The following RASGRF2 variants were observed in gnomAD, a reference collection of about 807,000 sequenced individuals.
RASGRF2 encodes the protein Ras protein specific guanine nucleotide releasing factor 2, also known as ras-specific guanine nucleotide-releasing factor 2.
RASGRF2 carries 76 observed loss-of-function variants against 151.0 expected under a neutral mutation model. The ratio of observed to expected loss-of-function variants is 0.50; its 90% CI spans 0.42 to 0.61. The LOEUF (loss-of-function observed/expected upper bound fraction) is 0.61, where lower values mean the gene tolerates loss of function less well. Among genes scored for constraint, RASGRF2 ranks in the 20% least tolerant of loss-of-function variants. The pLI, the probability that RASGRF2 is intolerant of heterozygous loss-of-function variation, is 0.00. For synonymous variants in RASGRF2, 504 were observed against 566.5 expected, an observed-to-expected ratio of 0.89 and a Z score of 1.57; for missense variants, 1,148 against 1,564.6, an observed-to-expected ratio of 0.73 and a Z score of 4.49.
intron 2 of RASGRF2, among the ~76,000 whole-genome samples, chr5:81,062,310 G>A (rs113542306): frequency 0.02 from 2,989 of 152,058 alleles, 42 homozygotes; most frequent in African/African-American, 0.025. Flanking sequence ...TCTTTTGCCC[G>A]CTCTGTTTTT....
chr5:81,131,169 A>G (rs1184756956), intron 17 of RASGRF2, among the ~76,000 whole-genome samples: 2 of 152,204 alleles, frequency 1.3e-5, no homozygotes, highest in Non-Finnish European at 2.9e-5. Context: ...CAAATGCAAT[A>G]CAAGGGAGGA....
rs138495408 is a variant in RASGRF2 at position 81,027,618 on chromosome 5, T to G, written c.289-15259T>G. Among the ~76,000 whole-genome samples, 491 of 152,370 alleles carry G rather than the reference T, an allele frequency of 3.2e-3. 2 individuals are homozygous for G. The highest frequency in any genetic ancestry group is 0.011 in the African/African-American group (476 of 41,594). On this transcript the variant is annotated intron_variant, in intron 1 of 26. Transcript: ENST00000265080. ...ATGTCACATCCTTATAACTCCCATC[T>G]GCCCTTGCTCAAAACATTAGTGAAG...
At chr5:81,092,348 A>G (rs1046761030) in intron 9 of RASGRF2, among the ~76,000 whole-genome samples, 5 of 152,076 alleles carry the variant, frequency 3.3e-5, no homozygotes, top group Non-Finnish European at 7.4e-5. Context: ...AATACAAGGT[A>G]AACTGTATTA....
At chr5:80,994,346 A>T (rs2112270148) in intron 1 of RASGRF2, among the ~76,000 whole-genome samples, 1 of 139,642 alleles carries the variant, frequency 7.2e-6, no homozygotes, top group East Asian at 2.1e-4. Flanking sequence ...AGCCTGGGCG[A>T]CAGAGCGACA....
intron 17 of RASGRF2, among the ~76,000 whole-genome samples, chr5:81,177,685 CT>C (rs1754807192): frequency 6.6e-6 from 1 of 151,320 alleles, no homozygotes; most frequent in Non-Finnish European, 1.5e-5. Flanking sequence ...TTCAAATGTG[CT>C]AAGTACCATA....
At chr5:81,096,969 GT>G (rs56915435) in intron 12 of RASGRF2, among the ~76,000 whole-genome samples, 121,945 of 150,038 alleles carry the variant, frequency 0.81, 50,067 homozygotes, top group Middle Eastern at 0.93. Context: ...GTTTGTTTGT[GT>G]TTTTTTTTTG....
At chr5:81,223,157 A>G (rs559706842) in intron 26 of RASGRF2, among the ~76,000 whole-genome samples, 62 of 152,368 alleles carry the variant, frequency 4.1e-4, no homozygotes, top group African/African-American at 1.4e-3. Context: ...TTGTCCTCAA[A>G]TTAATCTATA....
At chr5:81,114,545 T>G (rs1753096843) in intron 15 of RASGRF2, among the ~76,000 whole-genome samples, 1 of 152,216 alleles carries the variant, frequency 6.6e-6, no homozygotes, top group African/African-American at 2.4e-5. Flanking sequence ...CTGGCTTCAA[T>G]TCTCTACTGA....
chr5:81,141,512 G>A (rs181842216), intron 17 of RASGRF2, among the ~76,000 whole-genome samples: 1 of 152,298 alleles, frequency 6.6e-6, no homozygotes, highest in African/African-American at 2.4e-5. Flanking sequence ...TTGAGAATGA[G>A]CCTCAGATCT....
chr5:81,053,203 G>A (rs1032121955), intron 2 of RASGRF2, among the ~76,000 whole-genome samples: 2 of 151,488 alleles, frequency 1.3e-5, no homozygotes, highest in African/African-American at 4.9e-5. Flanking sequence ...GTATACATGT[G>A]CCATGTTGGT....
chr5:81,105,288 G>T (rs902630759), intron 12 of RASGRF2, among the ~76,000 whole-genome samples: 1 of 152,100 alleles, frequency 6.6e-6, no homozygotes, highest in Admixed American at 6.6e-5. Flanking sequence ...TTCCCCAGGG[G>T]TTTGGACTAT....
chr5:81,011,869 A>G (rs1453545119), intron 1 of RASGRF2, among the ~76,000 whole-genome samples: 2 of 152,174 alleles, frequency 1.3e-5, no homozygotes, highest in African/African-American at 2.4e-5. Flanking sequence ...AAACATACAC[A>G]TTATATATAC....
At position 81,208,362 on chromosome 5, in the gene RASGRF2, T is replaced by C. The variant is rs750065126; in HGVS notation, c.3080T>C (p.Leu1027Pro). Residue 1027 changes from leucine to proline, a missense_variant, in exon 22 of 27, where the codon CTT becomes CCT. Leu to Pro is a moderately conservative substitution (Grantham distance 98). This residue lies in a region of RASGRF2 where 646 missense variants were observed against 807.4 expected (regional missense o/e 0.80). Transcript: ENST00000265080. The part of the protein sequence containing the change: ...IFRSIPYEEF[L>P]GQGWMKLDKN... ...TTGTTTTGAACTTCCAGGGAGTTTC[T>C]TGGGCAGGGGTGGATGAAGCTGGAT... The C allele has an allele frequency of 4.3e-6, 7 of 1,613,822 alleles. No homozygotes were observed. The highest frequency in any genetic ancestry group is 5.9e-6 in the Non-Finnish European group (7 of 1,179,868).
intron 1 of RASGRF2, among the ~76,000 whole-genome samples, chr5:81,006,981 T>G (rs913295628): frequency 8.5e-5 from 13 of 152,186 alleles, no homozygotes; most frequent in Admixed American, 5.2e-4. Flanking sequence ...AATGGTTTAC[T>G]AACCCCCTAA....
At chr5:81,090,128 C>T (rs568537528) in intron 9 of RASGRF2, among the ~76,000 whole-genome samples, 4 of 152,310 alleles carry the variant, frequency 2.6e-5, no homozygotes, top group African/African-American at 9.6e-5. Context: ...AAGTCATGCG[C>T]TTTCAATGTA....
intron 8 of RASGRF2, among the ~76,000 whole-genome samples, 169 bp downstream of exon 8, chr5:81,086,080 A>G (rs1367407468): frequency 1.3e-5 from 2 of 152,232 alleles, no homozygotes; most frequent in Non-Finnish European, 2.9e-5. Context: ...ATCATCATTC[A>G]CATTCATTTG....
At position 81,123,735 on chromosome 5, in the gene RASGRF2, C is replaced by T; in HGVS notation, c.2564C>T (p.Thr855Ile). ...CTTTCACCTTGCAGATCCCCCTCAACTCCTCGGCACCTCCGCTATCGACAG... is the reference window on the plus strand; with the variant it reads ...CTTTCACCTTGCAGATCCCCCTCAATTCCTCGGCACCTCCGCTATCGACAG... ...TELSPCRSPSTPRHLRYRQPG... is the reference protein window; with the variant it reads ...TELSPCRSPSIPRHLRYRQPG... Residue 855 changes from threonine to isoleucine, a missense_variant, in exon 16 of 27, where the codon ACT (threonine) becomes ATT (isoleucine). Thr to Ile is a moderately conservative substitution (Grantham distance 89). Around this residue, in one of 5 missense-constraint regions of RASGRF2, gnomAD observed 646 missense variants for 807.4 expected, o/e 0.80. Transcript: ENST00000265080. 1.9e-6 allele frequency: 3 copies of T among 1,613,968 alleles called. No individual in the cohort carries two copies. The highest frequency in any genetic ancestry group is 2.5e-6 in the Non-Finnish European group (3 of 1,179,918).
chr5:81,187,026 G>A (rs983969210), intron 18 of RASGRF2, among the ~76,000 whole-genome samples: 1 of 152,226 alleles, frequency 6.6e-6, no homozygotes, highest in Non-Finnish European at 1.5e-5. Context: ...ACAGATGGAG[G>A]CTCAAAGCAC....
intron 18 of RASGRF2, among the ~76,000 whole-genome samples, chr5:81,184,965 G>T (rs145636762): frequency 3.2e-4 from 49 of 152,354 alleles, no homozygotes; most frequent in Admixed American, 1.3e-3. Context: ...GAATTCTTCA[G>T]ATTGTTTCTG....
Sources: allele counts gnomAD v4.1 joint callset (sites outside exome capture counted in the v4.1 genomes callset), GRCh38; gene constraint gnomAD v4.1.1; regional missense constraint gnomAD v4.1.1; transcripts MANE v1.5; gene names NCBI Gene and HGNC (gene_info 2026-07-23, HGNC 2026-07-21).